BNC2: variants seen among roughly 807,000 people sequenced by gnomAD.
BNC2 encodes basonuclin zinc finger protein 2.
Under a neutral mutation model 76.3 loss-of-function variants are expected in BNC2, and 20 were observed. The ratio of observed to expected loss-of-function variants is 0.26; its 90% CI spans 0.18 to 0.38. BNC2 has a LOEUF of 0.38. BNC2 is among the 10% of genes least tolerant of loss of function. The pLI is 1.00. For missense variants in BNC2, 1,382 were observed against 1,399.8 expected, an observed-to-expected ratio of 0.99 and a Z score of 0.20; for synonymous variants, 582 against 514.8, an observed-to-expected ratio of 1.13 and a Z score of -1.77.
intron 5 of BNC2, among the ~76,000 whole-genome samples, chr9:16,454,411 T>C (rs1159512842): frequency 6.6e-6 from 1 of 152,028 alleles, no homozygotes; most frequent in African/African-American, 2.4e-5. Flanking sequence ...AGCGATACTC[T>C]TGGCTCAGCC....
chr9:16,758,105 C>T (rs11999316), intron 1 of BNC2, among the ~76,000 whole-genome samples: 3,961 of 152,240 alleles, frequency 0.026, 115 homozygotes, highest in East Asian at 0.095. Flanking sequence ...CCTTGTATTT[C>T]TCAGCTTCTA....
At chr9:16,661,517 C>A (rs977309252) in intron 3 of BNC2, among the ~76,000 whole-genome samples, 2 of 152,142 alleles carry the variant, frequency 1.3e-5, no homozygotes, top group African/African-American at 4.8e-5. Context: ...TCCTCTGTCT[C>A]ATAATTTCCG....
chr9:16,737,238 C>CTTTTTTTTTTTT (rs559930240), intron 2 of BNC2, among the ~76,000 whole-genome samples: 7 of 91,308 alleles, frequency 7.7e-5, no homozygotes, highest in Admixed American at 1.7e-4. Context: ...CACACCTGGC[C>CTTTTTTTTTTTT]TTTTTTTTTT....
At chr9:16,549,407 CTGT>C (rs1818590698) in intron 5 of BNC2, among the ~76,000 whole-genome samples, 1 of 152,182 alleles carries the variant, frequency 6.6e-6, no homozygotes, top group Non-Finnish European at 1.5e-5. Flanking sequence ...ATTCAATATA[CTGT>C]TGTTGAGAGC....
In BNC2 at chr9:16,666,932, CAGAT is replaced by C. The variant is rs200612296; in HGVS notation, c.330+60861_330+60864del. ...CTTCAGTCTACAGTTAAAAAATTCA[CAGAT>C]AAATTCAAATAGTTATGAACTAGTA... On this transcript the variant is annotated intron_variant, in intron 3 of 6. Transcript: ENST00000380672. 6.8e-3 allele frequency among the ~76,000 whole-genome samples: 1,030 copies of C among 152,106 alleles called. 12 individuals carry two copies. The highest frequency in any genetic ancestry group is 0.023 in the African/African-American group (945 of 41,488).
chr9:16,625,289 A>G (rs905828063), intron 3 of BNC2, among the ~76,000 whole-genome samples: 1 of 152,192 alleles, frequency 6.6e-6, no homozygotes, highest in African/African-American at 2.4e-5. Flanking sequence ...GTCCTGAAAT[A>G]GTTGTGGTAA....
chr9:16,843,753 G>T (rs1160987643), intron 1 of BNC2, among the ~76,000 whole-genome samples: 1 of 152,202 alleles, frequency 6.6e-6, no homozygotes, highest in African/African-American at 2.4e-5. Context: ...TGTGTGGAAG[G>T]AGAAGAGGTT....
chr9:16,500,257 C>T (rs1004029028), intron 5 of BNC2, among the ~76,000 whole-genome samples: 11 of 151,986 alleles, frequency 7.2e-5, no homozygotes, highest in African/African-American at 2.4e-4. Flanking sequence ...CTCATTAAGC[C>T]TGCTCCAGTT....
chr9:16,666,469 C>T (rs892896589), intron 3 of BNC2, among the ~76,000 whole-genome samples: 4 of 152,214 alleles, frequency 2.6e-5, no homozygotes, highest in African/African-American at 9.6e-5. Context: ...AGAGAAACAA[C>T]AGCTTAAAAA....
intron 1 of BNC2, among the ~76,000 whole-genome samples, chr9:16,758,044 A>G (rs746094148): frequency 1.8e-4 from 28 of 152,212 alleles, no homozygotes; most frequent in Admixed American, 1.5e-3. Flanking sequence ...TAAAGTCAAG[A>G]TATCAGCAGG....
At chr9:16,757,618 T>C (rs1201897537) in intron 1 of BNC2, among the ~76,000 whole-genome samples, 1 of 149,364 alleles carries the variant, frequency 6.7e-6, no homozygotes, top group South Asian at 2.2e-4. Flanking sequence ...ACATTAACAA[T>C]AGCTAATGAA....
chr9:16,732,033 T>TA (rs1824519155), intron 2 of BNC2, among the ~76,000 whole-genome samples: 1 of 151,392 alleles, frequency 6.6e-6, no homozygotes, highest in African/African-American at 2.4e-5. Context: ...ACCAGCAGAG[T>TA]AAAAAAGTGT....
intron 5 of BNC2, among the ~76,000 whole-genome samples, chr9:16,497,297 T>A (rs569957886): frequency 1.3e-5 from 2 of 152,352 alleles, no homozygotes; most frequent in East Asian, 3.9e-4. Flanking sequence ...CCTAAAAACA[T>A]TTCTGTGAAG....
At position 16,412,729 on chromosome 9, in the gene BNC2, GA is replaced by G. The variant is rs1820492913; in HGVS notation, c.*6259del. The G allele has an allele frequency of 2.9e-5, 1 of 35,062 alleles. No individual in the cohort carries two copies. The highest frequency in any genetic ancestry group is 3.0e-4 in the Admixed American group (1 of 3,362). The allele number at this position is 35,062 out of a possible 1,614,324, so 2.2% of individuals were successfully genotyped here. A position where few individuals can be genotyped will look rare whatever the true frequency, so the allele number is the denominator to read the frequency against. ...GAAGGAGAGAGAGAGGGGAGAGAGAGAGAGAGAGAGAGAGAGAGAGAGAGAG... is the reference window on the plus strand; with the variant it reads ...GAAGGAGAGAGAGAGGGGAGAGAGAGGAGAGAGAGAGAGAGAGAGAGAGAG... On this transcript the variant is annotated 3_prime_UTR_variant, in exon 7 of 7. Transcript: ENST00000380672.
chr9:16,671,501 T>C (rs1464203918), intron 3 of BNC2, among the ~76,000 whole-genome samples: 1 of 152,128 alleles, frequency 6.6e-6, no homozygotes, highest in African/African-American at 2.4e-5. Flanking sequence ...TACCCCAACA[T>C]CAGCCTTTAC....
chr9:16,853,834 C>T (rs143177688), intron 1 of BNC2, among the ~76,000 whole-genome samples: 23 of 152,236 alleles, frequency 1.5e-4, no homozygotes, highest in African/African-American at 5.3e-4. Flanking sequence ...AGCCACTGCA[C>T]TCTAGCCTGA....
chr9:16,766,037 T>C (rs1825683388), intron 1 of BNC2, among the ~76,000 whole-genome samples: 1 of 152,168 alleles, frequency 6.6e-6, no homozygotes, highest in Non-Finnish European at 1.5e-5. Flanking sequence ...TCCGCCCGCC[T>C]TGGCCTCCCA....
At chr9:16,592,296 C>G (rs940653752) in intron 3 of BNC2, among the ~76,000 whole-genome samples, 1 of 152,038 alleles carries the variant, frequency 6.6e-6, no homozygotes, top group Non-Finnish European at 1.5e-5. Flanking sequence ...TCCCTCCATC[C>G]ACTGACAAAT....
chr9:16,671,117 G>A (rs1587297975), intron 3 of BNC2, among the ~76,000 whole-genome samples: 1 of 151,964 alleles, frequency 6.6e-6, no homozygotes, highest in East Asian at 1.9e-4. Context: ...ATCAGTTGTG[G>A]CACTGATCAT....
Sources: allele counts gnomAD v4.1 joint callset (sites outside exome capture counted in the v4.1 genomes callset), GRCh38; gene constraint gnomAD v4.1.1; transcripts MANE v1.5; gene names NCBI Gene and HGNC (gene_info 2026-07-23, HGNC 2026-07-21).